The following CARD14 variants were observed in gnomAD, a reference collection of about 807,000 sequenced individuals.
CARD14 encodes caspase recruitment domain-containing protein 14.
In CARD14, 107 loss-of-function variants were observed where a neutral mutation model predicts 111.5. The ratio of observed to expected loss-of-function variants is 0.96; its 90% CI spans 0.82 to 1.13. The LOEUF is 1.13. CARD14 is among the 50% of genes most tolerant of loss of function. The probability of loss-of-function intolerance (pLI) is 0.00; values close to 1 mark genes in which losing one functional copy is unlikely to be tolerated. For missense variants in CARD14, 1,322 were observed against 1,362.3 expected (o/e 0.97, Z 0.47); for synonymous variants, 617 against 579.6 (o/e 1.06, Z -0.93).
intron 4 of CARD14, 62 bp from the exon 5 acceptor site, chr17:80,181,357 A>G: frequency 3.1e-6 from 4 of 1,284,178 alleles, no homozygotes; most frequent in Non-Finnish European, 4.3e-6. Context: ...AAACGGTGTC[A>G]CCCTGGCTAT....
chr17:80,204,768 T>C, intron 20 of CARD14: 2 of 461,674 alleles, frequency 4.3e-6, no homozygotes, highest in East Asian at 3.4e-5. Context: ...CATCCTCCCT[T>C]GGGCCTATAG....
intron 14 of CARD14, chr17:80,196,313 C>T (rs547243949): frequency 4.9e-4 from 75 of 152,338 alleles, no homozygotes; most frequent in African/African-American, 1.7e-3. Context: ...TTCTGTGGGT[C>T]GCAGAATCAG....
intron 6 of CARD14, among the ~76,000 whole-genome samples, chr17:80,183,310 G>T (rs982764047): frequency 1.3e-5 from 2 of 152,254 alleles, no homozygotes; most frequent in Non-Finnish European, 2.9e-5. Context: ...GGTATTGAAA[G>T]GAGCAGGAGC....
rs59738447 is a variant in CARD14, at chr17:80,171,205, C to CCCTT, written c.-690+1187_-690+1190dup. Among the ~76,000 whole-genome samples, 404 of 41,102 alleles carry CCCTT rather than the reference C, an allele frequency of 9.8e-3. 5 individuals are homozygous for CCCTT. Among genetic ancestry groups the CCCTT allele is most frequent in the South Asian group, 0.019 (13 of 688 alleles). 27.0% of individuals were successfully genotyped at this position (41,102 alleles called of 152,430 possible). ...TCCCTCCCTCCCTCCCTCCCTCCCTCCCTTCCTTCCTTCCTTCCTTCCTTC... is the reference window on the plus strand; with the variant it reads ...TCCCTCCCTCCCTCCCTCCCTCCCTCCCTTCCTTCCTTCCTTCCTTCCTTCCTTC... On this transcript the variant is annotated intron_variant, in intron 1 of 23. Transcript: ENST00000648509.
Position 80,190,115 on chromosome 17 carries a change from G to A in CARD14, c.963+243G>A, listed in dbSNP as rs141297204. Among the ~76,000 whole-genome samples, 16 of 152,282 alleles carry A rather than the reference G, an allele frequency of 1.1e-4. No individual in the cohort carries two copies. In the East Asian group the frequency reaches 2.1e-3, roughly 20 times the overall value. ...AAACGCAGGGGATTTCAGGGCCCAG[G>A]CCCCGGGGAGAGCCAGGGACTTAGG... On this transcript the variant is annotated intron_variant, in intron 9 of 23. Transcript: ENST00000648509.
chr17:80,205,609 G>T lies in CARD14; in HGVS notation c.2648G>T (p.Arg883Leu). Reference protein sequence around the residue: ...IIQEGEVSGGRCWVTRHAVES... With the variant: ...IIQEGEVSGGLCWVTRHAVES... ...CAGGAGGGAGAGGTGTCCGGGGGCC[G>T]CTGCTGGGTGACCCGCCATGCTGTG... Residue 883 changes from arginine (R) to leucine (L), a missense_variant, in exon 22 of 24, where the codon CGC becomes CTC. Transcript: ENST00000648509. 6.4e-7 allele frequency: 1 copy of T among 1,566,772 alleles called. No homozygotes were observed. Among genetic ancestry groups the T allele is most frequent in the East Asian group, 2.3e-5 (1 of 42,582 alleles).
In CARD14 at chr17:80,184,115, T is replaced by G; in HGVS notation, c.552T>G (p.Val184=). 6.3e-7 allele frequency: 1 copy of G among 1,576,642 alleles called. No homozygotes were observed. Among genetic ancestry groups the G allele is most frequent in the Non-Finnish European group, 8.6e-7 (1 of 1,161,630 alleles). ...EADHSRMKRE[V]SAHFHEVLRL... Reference sequence around the variant, plus strand: ...ACCACAGCCGCATGAAGCGTGAGGTTAGCGCACACTTCCATGAGGTGCTGA... The same window carrying G: ...ACCACAGCCGCATGAAGCGTGAGGTGAGCGCACACTTCCATGAGGTGCTGA... The change falls in exon 7 of 24, where the codon GTT becomes GTG. Residue 184 remains valine, a synonymous_variant. Coordinates refer to ENST00000648509, the MANE Select transcript of CARD14 (RefSeq NM_001366385.1).
chr17:80,189,893 C>T lies in CARD14; in HGVS notation c.963+21C>T. The T allele has an allele frequency of 6.3e-7, 1 of 1,589,836 alleles. No individual in the cohort carries two copies. Among genetic ancestry groups the T allele is most frequent in the Non-Finnish European group, 8.5e-7 (1 of 1,171,036 alleles). The stretch of plus-strand genomic sequence containing the variant: ...AGCAGGTGCCGTGTGAGCCCTTCCT[C>T]CCTTGTGACTCTCCTGGGGCTTGTC... On this transcript the variant is annotated intron_variant, in intron 9 of 23. Coordinates refer to ENST00000648509, the MANE Select transcript of CARD14 (RefSeq NM_001366385.1). This position sits in a 1 kb window ranked among gnomAD's most constrained non-coding sequence, Gnocchi z 4.7.
At chr17:80,206,105 T>G (rs2041288441) in intron 22 of CARD14, among the ~76,000 whole-genome samples, 1 of 152,100 alleles carries the variant, frequency 6.6e-6, no homozygotes, top group Non-Finnish European at 1.5e-5. Context: ...AATTTCTAGA[T>G]TTTCCCAGTG....
Position 80,182,826 on chromosome 17 carries a change from TC to T in CARD14, c.349+37del. The stretch of plus-strand genomic sequence containing the variant: ...CGACTTTGACGGTTTGGCAGGCACT[TC>T]TAGGAACCTCAGGCTCCTGGTAACC... On this transcript the variant is annotated intron_variant, in intron 6 of 23. Coordinates refer to ENST00000648509, the MANE Select transcript of CARD14 (RefSeq NM_001366385.1). This position sits in a 1 kb window ranked among gnomAD's most constrained non-coding sequence, Gnocchi z 4.7. 6.2e-7 allele frequency: 1 copy of T among 1,611,768 alleles called. No individual in the cohort carries two copies. Among genetic ancestry groups the T allele is most frequent in the Non-Finnish European group, 8.5e-7 (1 of 1,178,290 alleles).
Position 80,188,677 on chromosome 17 carries a change from AC to A in CARD14, c.843+136del. On this transcript the variant is annotated intron_variant, in intron 8 of 23. Transcript: ENST00000648509. This position sits in a 1 kb window ranked among gnomAD's most constrained non-coding sequence, Gnocchi z 4.5. ...GAGATGAAATTTAGTGACTCATCTC[AC>A]CCACTTTCTCTTTACCTCCTTCCTT... The A allele has an allele frequency of 1.1e-6, 1 of 919,190 alleles. No homozygotes were observed. The highest frequency in any genetic ancestry group is 1.5e-6 in the Non-Finnish European group (1 of 683,312). The allele number at this position is 919,190 out of a possible 1,614,324, so 56.9% of individuals were successfully genotyped here.
chr17:80,198,659 C>T lies in CARD14; in HGVS notation c.1851+68C>T. On this transcript the variant is annotated intron_variant, in intron 16 of 23. Transcript: ENST00000648509. This position sits in a 1 kb window ranked among gnomAD's most constrained non-coding sequence, Gnocchi z 7.5. Reference sequence around the variant, plus strand: ...GGGACAGTGGCAGCGGGTGGGGTGACCCAGGCAGACTTCACCTCCCCCAGA... The same window carrying T: ...GGGACAGTGGCAGCGGGTGGGGTGATCCAGGCAGACTTCACCTCCCCCAGA... 3.7e-6 allele frequency: 6 copies of T among 1,608,180 alleles called. No individual in the cohort carries two copies. The highest frequency in any genetic ancestry group is 1.7e-5 in the Admixed American group (1 of 59,972).
chr17:80,203,448 T>C lies in CARD14; in HGVS notation c.2220-374T>C, dbSNP rs192833055. On this transcript the variant is annotated intron_variant, in intron 18 of 23. Coordinates refer to ENST00000648509, the MANE Select transcript of CARD14 (RefSeq NM_001366385.1). This position sits in a 1 kb window ranked among gnomAD's most constrained non-coding sequence, Gnocchi z 4.6. ...GAGCCAGCAGGTCCAGGGAGAGGCC[T>C]GGCACTCTGCATTTCTAACAGCTCT... The C allele has an allele frequency of 2.3e-5, 5 of 217,762 alleles. No homozygotes were observed. The East Asian group carries it at 3.3e-4, about 15-fold the overall frequency. The allele number at this position is 217,762 out of a possible 1,614,324, so 13.5% of individuals were successfully genotyped here. A position where few individuals can be genotyped will look rare whatever the true frequency, so the allele number is the denominator to read the frequency against.
intron 21 of CARD14, 145 bp from the exon 22 acceptor site, chr17:80,205,386 C>A: frequency 8.1e-7 from 1 of 1,233,818 alleles, no homozygotes; most frequent in Non-Finnish European, 1.1e-6. Flanking sequence ...GCGGGGTGTG[C>A]AGGGTCAGGT....
intron 16 of CARD14, chr17:80,199,022 C>A: frequency 1.5e-6 from 1 of 669,626 alleles, no homozygotes; most frequent in Non-Finnish European, 1.9e-6. Context: ...GATCACAGCT[C>A]ACTGCAGCCT....
chr17:80,191,082 C>G (rs931228471), intron 10 of CARD14, among the ~76,000 whole-genome samples, 183 bp downstream of exon 10: 1 of 152,234 alleles, frequency 6.6e-6, no homozygotes, highest in Non-Finnish European at 1.5e-5. Flanking sequence ...CATGCTGTCT[C>G]TATCATCCTT....
chr17:80,193,587 G>A (rs2040605103), intron 12 of CARD14, among the ~76,000 whole-genome samples: 3 of 152,194 alleles, frequency 2.0e-5, no homozygotes, highest in African/African-American at 7.2e-5. Context: ...CCGGGAGGGA[G>A]GGAGGGTGAG....
chr17:80,192,596 T>G lies in CARD14; in HGVS notation c.1333T>G (p.Cys445Gly). The change falls in exon 12 of 24, where the codon TGC becomes GGC. Residue 445 changes from cysteine to glycine, a missense_variant. Transcript: ENST00000648509. ...CATCTGCCCCAGAGACGACAGCGAC[T>G]GCAGCCTCGTCAGCTCCACAGAGGT... ...HAICPRDDSD[C>G]SLVSSTESQL... The G allele has an allele frequency of 1.2e-6, 2 of 1,613,182 alleles. No homozygotes were observed. Among genetic ancestry groups the G allele is most frequent in the Non-Finnish European group, 1.7e-6 (2 of 1,179,754 alleles).
In CARD14 at chr17:80,202,446, C is replaced by A. The variant is rs374347865; in HGVS notation, c.2219+26C>A. On this transcript the variant is annotated intron_variant, in intron 18 of 23. Transcript: ENST00000648509. Reference sequence around the variant, plus strand: ...GTGAGCAGCTGCCTCGAGCTCGGTGCGTCCCCAGAGAGGCCCACAGGGAAA... The same window carrying A: ...GTGAGCAGCTGCCTCGAGCTCGGTGAGTCCCCAGAGAGGCCCACAGGGAAA... The A allele has an allele frequency of 7.5e-6, 12 of 1,602,834 alleles. No homozygotes were observed. The African/African-American group carries it at 9.4e-5, about 13-fold the overall frequency.
Sources: gnomAD v4.1 joint callset for allele counts (sites outside exome capture counted in the v4.1 genomes callset) on GRCh38, gnomAD v4.1.1 for gene constraint, Gnocchi (gnomAD v3.1) non-coding constraint, MANE v1.5 for transcripts, NCBI Gene and HGNC (gene_info 2026-07-23, HGNC 2026-07-21) for gene names.